ABCD2: variants seen among roughly 807,000 people sequenced by gnomAD.
ABCD2 encodes the protein ATP binding cassette subfamily D member 2, also known as ATP-binding cassette sub-family D member 2.
Under a neutral mutation model 70.9 loss-of-function variants are expected in ABCD2, and 36 were observed. The observed-to-expected ratio is 0.51, with a 90% CI of 0.39 to 0.67. The LOEUF is 0.67. Ranked by LOEUF, ABCD2 falls within the 30% of genes least tolerant of loss-of-function variation. ABCD2 has a pLI of 0.00. For missense variants in ABCD2, 729 were observed against 890.2 expected (o/e 0.82, Z 2.30); for synonymous variants, 304 against 306.9 (o/e 0.99, Z 0.10).
chr12:39,556,813 C>T (rs991463722), intron 9 of ABCD2, among the ~76,000 whole-genome samples: 31 of 151,816 alleles, frequency 2.0e-4, no homozygotes, highest in African/African-American at 7.0e-4. Flanking sequence ...GGTGAAACCC[C>T]ATCTCCACAA....
In ABCD2 at chr12:39,604,789, G is replaced by A; in HGVS notation, c.1378C>T (p.Pro460Ser). 1 of 1,605,756 alleles carries A rather than the reference G, an allele frequency of 6.2e-7. No individual in the cohort carries two copies. Among genetic ancestry groups the A allele is most frequent in the Non-Finnish European group, 8.5e-7 (1 of 1,177,228 alleles). Reference protein sequence around the residue: ...HSKNGAKVELPLSDTLAIKGK... With the variant: ...HSKNGAKVELSLSDTLAIKGK... ...TTAATTGCCAATGTGTCACTGAGAG[G>A]TAATTCTACCTTAGCTCCATTCTTG... The change falls in exon 4 of 10, where the codon CCT (proline) becomes TCT (serine). Residue 460 changes from proline to serine, a missense_variant. Physicochemically the swap from Pro to Ser is moderately conservative, Grantham distance 74. Around this residue, in one of 3 missense-constraint regions of ABCD2, gnomAD observed 195 missense variants for 300.2 expected, o/e 0.65. Transcript: ENST00000308666.
chr12:39,533,890 T>C, the ABCD2 span, among the ~76,000 whole-genome samples: 19 of 152,130 alleles, frequency 1.2e-4, no homozygotes, highest in African/African-American at 4.1e-4. Context: ...TTACATGTTA[T>C]GAAAATAGAT....
the ABCD2 span, among the ~76,000 whole-genome samples, chr12:39,544,079 C>T: frequency 6.6e-6 from 1 of 152,172 alleles, no homozygotes; most frequent in East Asian, 1.9e-4. Flanking sequence ...TTTATTATTA[C>T]TCACATCAGT....
intron 6 of ABCD2, among the ~76,000 whole-genome samples, chr12:39,594,079 C>T (rs1941782427): frequency 6.6e-6 from 1 of 152,102 alleles, no homozygotes; most frequent in Admixed American, 6.6e-5. Context: ...GCCTCCAAAC[C>T]ACAGCTTGAT....
downstream of ABCD2, among the ~76,000 whole-genome samples, chr12:39,546,906 G>T (rs1348922966): frequency 6.7e-6 from 1 of 149,344 alleles, no homozygotes; most frequent in Non-Finnish European, 1.5e-5. Flanking sequence ...AAGAACAGAG[G>T]AATGGAGGAA....
chr12:39,591,060 GTA>G (rs1224830152), intron 6 of ABCD2, among the ~76,000 whole-genome samples: 1 of 152,138 alleles, frequency 6.6e-6, no homozygotes, highest in African/African-American at 2.4e-5. Context: ...AATGTTAACT[GTA>G]TTTAAGGCAT....
intron 9 of ABCD2, among the ~76,000 whole-genome samples, chr12:39,557,066 T>C (rs1262758301): frequency 6.6e-6 from 1 of 152,162 alleles, no homozygotes; most frequent in East Asian, 1.9e-4. Context: ...TTTTGAGGGC[T>C]CAGAAGATGG....
At chr12:39,587,044 G>A (rs1274582510) in intron 6 of ABCD2, among the ~76,000 whole-genome samples, 2 of 152,136 alleles carry the variant, frequency 1.3e-5, no homozygotes. Context: ...AGCATTTGTT[G>A]CCCTTTGACC....
chr12:39,579,438 G>A, intron 8 of ABCD2, 97 bp downstream of exon 8: 1 of 791,516 alleles, frequency 1.3e-6, no homozygotes, highest in Admixed American at 2.2e-5. Context: ...AGCTACAGAT[G>A]AAGACGATAA....
chr12:39,590,698 T>C, intron 6 of ABCD2, among the ~76,000 whole-genome samples: 1 of 152,116 alleles, frequency 6.6e-6, no homozygotes, highest in East Asian at 1.9e-4. Context: ...CAAGGTGCTT[T>C]TATACTTTGC....
intron 7 of ABCD2, among the ~76,000 whole-genome samples, chr12:39,581,382 T>G (rs1237873777): frequency 6.6e-6 from 1 of 152,186 alleles, no homozygotes; most frequent in Admixed American, 6.5e-5. Flanking sequence ...AATCTCACTC[T>G]CCAGAGGAAA....
intron 7 of ABCD2, among the ~76,000 whole-genome samples, chr12:39,585,465 G>C (rs1941651708): frequency 6.6e-6 from 1 of 152,118 alleles, no homozygotes; most frequent in South Asian, 2.1e-4. Flanking sequence ...TGCAAGCAGG[G>C]ATAGTTTGAC....
intron 9 of ABCD2, among the ~76,000 whole-genome samples, chr12:39,569,025 A>T (rs568375300): frequency 6.6e-6 from 1 of 152,186 alleles, no homozygotes; most frequent in African/African-American, 2.4e-5. Context: ...TGTGTGGTGT[A>T]AGTCTGCCCC....
chr12:39,616,844 C>T (rs1007324040), intron 2 of ABCD2, 144 bp downstream of exon 2: 8 of 633,512 alleles, frequency 1.3e-5, no homozygotes, highest in South Asian at 3.4e-5. Flanking sequence ...TATCACTGGA[C>T]GCTGTAAAGT....
At chr12:39,587,755 T>C (rs776799619) in intron 6 of ABCD2, among the ~76,000 whole-genome samples, 76 of 152,118 alleles carry the variant, frequency 5.0e-4, no homozygotes, top group Non-Finnish European at 9.1e-4. Flanking sequence ...TAAATAAAAT[T>C]AAACCAACAA....
chr12:39,554,136 ATAAT>A lies in ABCD2; in HGVS notation c.2004-9_2004-6del, dbSNP rs766637800. ...AATAAATGTGTGTGGTATTTCCTGC[ATAAT>A]TAAAATGAAATAATATTATTAGCCA... On this transcript the variant is annotated splice_region_variant and splice_polypyrimidine_tract_variant and intron_variant, in intron 9 of 9. Coordinates refer to ENST00000308666, the MANE Select transcript of ABCD2 (RefSeq NM_005164.4). 6.3e-6 allele frequency: 10 copies of A among 1,598,892 alleles called. No individual in the cohort carries two copies. The highest frequency in any genetic ancestry group is 3.3e-4 in the Middle Eastern group (2 of 5,984).
At chr12:39,618,323 A>G (rs74088770) in intron 1 of ABCD2, among the ~76,000 whole-genome samples, 2,264 of 152,190 alleles carry the variant, frequency 0.015, 44 homozygotes, top group African/African-American at 0.05. Context: ...CTAAATATAT[A>G]TTTTCTTCTG....
At chr12:39,534,920 GAA>G in the ABCD2 span, among the ~76,000 whole-genome samples, 1 of 99,200 alleles carries the variant, frequency 1.0e-5, no homozygotes, top group Non-Finnish European at 2.0e-5. Context: ...AAGAAAGAAA[GAA>G]AGAAAGAAAG....
At chr12:39,548,384 C>T (rs1941046879), downstream of ABCD2, among the ~76,000 whole-genome samples, 1 of 152,064 alleles carries the variant, frequency 6.6e-6, no homozygotes, top group Admixed American at 6.6e-5. Context: ...TCTGTAGCTG[C>T]TTGGATCTAC....
Sources: gnomAD v4.1 joint callset for allele counts (sites outside exome capture counted in the v4.1 genomes callset) on GRCh38, gnomAD v4.1.1 for gene constraint, gnomAD v4.1.1 regional missense constraint, MANE v1.5 for transcripts, NCBI Gene and HGNC (gene_info 2026-07-23, HGNC 2026-07-21) for gene names.